The following EXOC4 variants were observed in gnomAD, a reference collection of about 807,000 sequenced individuals.
EXOC4 encodes the protein exocyst complex component 4.
A neutral mutation model predicts 107.2 loss-of-function variants in EXOC4; 71 were observed. The observed-to-expected ratio is 0.66, with a 90% CI of 0.55 to 0.81. EXOC4 has a LOEUF of 0.81. Ranked by LOEUF, EXOC4 falls within the 30% of genes least tolerant of loss-of-function variation. The probability of loss-of-function intolerance (pLI) is 0.00; values close to 1 mark genes in which losing one functional copy is unlikely to be tolerated. For synonymous variants in EXOC4, 456 were observed against 441.2 expected (o/e 1.03, Z -0.42); for missense variants, 1,108 against 1,189.6 (o/e 0.93, Z 1.01).
At chr7:133,949,855 C>G (rs1376195946) in intron 14 of EXOC4, among the ~76,000 whole-genome samples, 2 of 151,430 alleles carry the variant, frequency 1.3e-5, no homozygotes, top group Non-Finnish European at 2.9e-5. Flanking sequence ...TTTCTTCTCT[C>G]TTGTCTTTTA....
At chr7:133,948,141 C>T (rs927691030) in intron 14 of EXOC4, among the ~76,000 whole-genome samples, 1 of 152,170 alleles carries the variant, frequency 6.6e-6, no homozygotes, top group Admixed American at 6.5e-5. Context: ...CACAGAACCA[C>T]GAGTTCCAAT....
chr7:133,264,707 G>T (rs896370468), intron 1 of EXOC4, among the ~76,000 whole-genome samples: 3 of 151,880 alleles, frequency 2.0e-5, no homozygotes, highest in South Asian at 2.1e-4. Flanking sequence ...TATGATGAGG[G>T]TCTCTTCTTT....
chr7:133,755,361 G>A (rs1449169026), intron 10 of EXOC4, among the ~76,000 whole-genome samples: 1 of 103,666 alleles, frequency 9.6e-6, no homozygotes, highest in Non-Finnish European at 2.0e-5. Context: ...TTTTTTGGCG[G>A]GGGGACAGAG....
intron 10 of EXOC4, among the ~76,000 whole-genome samples, chr7:133,735,905 G>A (rs779031196): frequency 1.4e-4 from 21 of 151,950 alleles, no homozygotes; most frequent in Admixed American, 3.9e-4. Flanking sequence ...GCAACAGGGC[G>A]AAATTCCATC....
In EXOC4 at chr7:133,649,470, T is replaced by TC. The variant is rs71162014; in HGVS notation, c.1514+19329_1514+19330insC. Reference sequence around the variant, plus strand: ...GTGTGAAGCATTACTACTTTTTCTTTTTTTTTTTTTTTTTTAACCAGTAAA... The same window carrying TC: ...GTGTGAAGCATTACTACTTTTTCTTTCTTTTTTTTTTTTTTTAACCAGTAAA... On this transcript the variant is annotated intron_variant, in intron 10 of 17. Coordinates refer to ENST00000253861, the MANE Select transcript of EXOC4 (RefSeq NM_021807.4). 8.2e-4 allele frequency among the ~76,000 whole-genome samples: 87 copies of TC among 106,312 alleles called. 4 individuals are homozygous for TC. The highest frequency in any genetic ancestry group is 1.8e-3 in the Admixed American group (15 of 8,414). 69.7% of individuals were successfully genotyped at this position (106,312 alleles called of 152,430 possible). A position where few individuals can be genotyped will look rare whatever the true frequency, so the allele number is the denominator to read the frequency against.
At chr7:133,638,883 T>G (rs1178940825) in intron 10 of EXOC4, among the ~76,000 whole-genome samples, 1 of 152,304 alleles carries the variant, frequency 6.6e-6, no homozygotes, top group East Asian at 1.9e-4. Context: ...TTATTTTTTT[T>G]TATTATCGAT....
At chr7:133,598,939 G>A (rs1189342050) in intron 9 of EXOC4, among the ~76,000 whole-genome samples, 3 of 152,016 alleles carry the variant, frequency 2.0e-5, no homozygotes, top group Admixed American at 6.6e-5. Context: ...AGCCAAGATC[G>A]CGCCACTGCA....
At chr7:133,395,546 C>T (rs1796951876) in intron 7 of EXOC4, among the ~76,000 whole-genome samples, 1 of 152,020 alleles carries the variant, frequency 6.6e-6, no homozygotes, top group African/African-American at 2.4e-5. Flanking sequence ...ATCAAAGGAG[C>T]AAGTGAATAG....
At position 133,356,870 on chromosome 7, in the gene EXOC4, T is replaced by A. The variant is rs139212335; in HGVS notation, c.1007+297T>A. Among the ~76,000 whole-genome samples the A allele has an allele frequency of 1.6e-4, 25 of 152,264 alleles. No homozygotes were observed. In the East Asian group the frequency reaches 4.6e-3, roughly 28 times the overall value. On this transcript the variant is annotated intron_variant, in intron 6 of 17. Coordinates refer to ENST00000253861, the MANE Select transcript of EXOC4 (RefSeq NM_021807.4). ...TAGTGCATGCCTGTAATCCCAGCTG[T>A]TCTGGAGGCTGAGGCAGGAGAACTG...
At position 133,895,647 on chromosome 7, in the gene EXOC4, C is replaced by T. The variant is rs775480288; in HGVS notation, c.1783C>T (p.His595Tyr). 1.9e-6 allele frequency: 3 copies of T among 1,613,876 alleles called. No homozygotes were observed. The highest frequency in any genetic ancestry group is 2.7e-5 in the African/African-American group (2 of 74,924). ...AGTTCAAGACCTCCTGAACCTGATG[C>T]ATGACTTGAGTGCATATTCAGATCA... The part of the protein sequence containing the change: ...KTVQDLLNLM[H>Y]DLSAYSDQFL... Residue 595 changes from histidine (H) to tyrosine (Y), a missense_variant, in exon 12 of 18, where the codon CAT becomes TAT. Coordinates refer to ENST00000253861, the MANE Select transcript of EXOC4 (RefSeq NM_021807.4).
chr7:133,988,727 C>T (rs1014181996), intron 14 of EXOC4, among the ~76,000 whole-genome samples: 1 of 152,046 alleles, frequency 6.6e-6, no homozygotes, highest in African/African-American at 2.4e-5. Context: ...CATGAGACAG[C>T]ATGATATGTT....
intron 17 of EXOC4, among the ~76,000 whole-genome samples, chr7:134,023,576 G>A (rs1055069022): frequency 1.5e-4 from 23 of 152,008 alleles, no homozygotes; most frequent in African/African-American, 4.8e-4. Context: ...TTTTGCAAAT[G>A]GGAAAACTCA....
At chr7:133,343,675 T>A (rs1795718957) in intron 5 of EXOC4, among the ~76,000 whole-genome samples, 1 of 151,844 alleles carries the variant, frequency 6.6e-6, no homozygotes, top group Non-Finnish European at 1.5e-5. Flanking sequence ...AGTTTTGGAA[T>A]TTCTGGCTCA....
intron 9 of EXOC4, among the ~76,000 whole-genome samples, chr7:133,507,781 T>A (rs987098623): frequency 6.6e-6 from 1 of 152,106 alleles, no homozygotes; most frequent in Non-Finnish European, 1.5e-5. Flanking sequence ...ATTCCTCTTC[T>A]GGTAAAATGA....
chr7:133,627,003 G>A (rs1802472919), intron 9 of EXOC4, among the ~76,000 whole-genome samples: 1 of 152,126 alleles, frequency 6.6e-6, no homozygotes, highest in Admixed American at 6.5e-5. Flanking sequence ...TAACATTTTA[G>A]CAAGTTAGGT....
At chr7:133,650,526 T>G (rs929497576) in intron 10 of EXOC4, among the ~76,000 whole-genome samples, 7 of 152,130 alleles carry the variant, frequency 4.6e-5, no homozygotes, top group Admixed American at 2.6e-4. Flanking sequence ...TTACATGGTG[T>G]GTGTTTATGT....
intron 4 of EXOC4, among the ~76,000 whole-genome samples, chr7:133,316,232 G>C (rs980490514): frequency 1.3e-5 from 2 of 152,168 alleles, no homozygotes; most frequent in Admixed American, 6.6e-5. Context: ...ATATATTGCT[G>C]TGGTGGGGGC....
chr7:133,631,880 G>A (rs796572975), intron 10 of EXOC4, among the ~76,000 whole-genome samples: 7 of 152,092 alleles, frequency 4.6e-5, no homozygotes, highest in South Asian at 2.1e-4. Context: ...ATCATGATAG[G>A]CATCTTCTAA....
chr7:133,373,263 A>G lies in EXOC4; in HGVS notation c.1008-1565A>G, dbSNP rs1796415864. ...AATATTTGAGTAGTTCTTCAGTAAC[A>G]CAGATGAGAAAGAAGAATTATTTTA... is the stretch of plus-strand genomic sequence containing the variant. On this transcript the variant is annotated intron_variant, in intron 6 of 17. Transcript: ENST00000253861. Among the ~76,000 whole-genome samples, 3 of 152,352 alleles carry G rather than the reference A, an allele frequency of 2.0e-5. No homozygotes were observed. The South Asian group carries it at 6.2e-4, about 32-fold the overall frequency.
Sources: allele counts gnomAD v4.1 joint callset (sites outside exome capture counted in the v4.1 genomes callset), GRCh38; gene constraint gnomAD v4.1.1; transcripts MANE v1.5; gene names NCBI Gene and HGNC (gene_info 2026-07-23, HGNC 2026-07-21).